EPHA6: variants seen among roughly 807,000 people sequenced by gnomAD.
EPHA6 encodes the protein EPH receptor A6.
EPHA6 carries 50 observed loss-of-function variants against 112.0 expected under a neutral mutation model. The observed-to-expected ratio is 0.45, with a 90% CI of 0.36 to 0.56. The LOEUF (loss-of-function observed/expected upper bound fraction) is 0.56. Ranked by LOEUF, EPHA6 falls within the 20% of genes least tolerant of loss-of-function variation. EPHA6 has a pLI of 0.00. For synonymous variants in EPHA6, 529 were observed against 490.7 expected, an observed-to-expected ratio of 1.08 and a Z score of -1.03; for missense variants, 1,280 against 1,417.4, an observed-to-expected ratio of 0.90 and a Z score of 1.56.
chr3:97,263,017 A>G (rs2079551583), intron 5 of EPHA6, among the ~76,000 whole-genome samples: 1 of 152,228 alleles, frequency 6.6e-6, no homozygotes, highest in Non-Finnish European at 1.5e-5. Flanking sequence ...TAGACTTTAC[A>G]AAAATCTATA....
At chr3:97,317,619 T>C (rs1040968088) in intron 5 of EPHA6, among the ~76,000 whole-genome samples, 1 of 152,026 alleles carries the variant, frequency 6.6e-6, no homozygotes, top group South Asian at 2.1e-4. Context: ...TAATCATCAT[T>C]ATGCATGGAG....
chr3:97,338,479 G>C (rs945903162), intron 5 of EPHA6, among the ~76,000 whole-genome samples: 2 of 151,958 alleles, frequency 1.3e-5, no homozygotes, highest in African/African-American at 4.8e-5. Context: ...GCTCTTACTT[G>C]AATTCCAAAC....
At chr3:96,891,984 A>G (rs575222485) in intron 2 of EPHA6, among the ~76,000 whole-genome samples, 4 of 152,170 alleles carry the variant, frequency 2.6e-5, no homozygotes, top group Non-Finnish European at 5.9e-5. Context: ...CTATTGGTGC[A>G]GTTTTGGAGG....
chr3:97,494,052 AAGTGCT>A (rs2091917267), intron 10 of EPHA6, among the ~76,000 whole-genome samples: 1 of 152,232 alleles, frequency 6.6e-6, no homozygotes, highest in African/African-American at 2.4e-5. Context: ...ATTGAAGCCT[AAGTGCT>A]TTGACCAGGA....
At chr3:97,150,934 TA>T (rs1385145189) in intron 3 of EPHA6, among the ~76,000 whole-genome samples, 1 of 152,188 alleles carries the variant, frequency 6.6e-6, no homozygotes, top group Non-Finnish European at 1.5e-5. Context: ...ATTAATTCAC[TA>T]ATTCATTCAT....
Position 97,752,021 on chromosome 3 carries a change from T to G in EPHA6, c.*3320T>G, listed in dbSNP as rs1176084691. 6.6e-6 allele frequency among the ~76,000 whole-genome samples: 1 copy of G among 152,156 alleles called. No individual in the cohort carries two copies. The highest frequency in any genetic ancestry group is 1.5e-5 in the Non-Finnish European group (1 of 67,984). On this transcript the variant is annotated 3_prime_UTR_variant, in exon 18 of 18. Coordinates refer to ENST00000389672, the MANE Select transcript of EPHA6 (RefSeq NM_001080448.3). ...AAATCATTTTAAAAAGCAATCAAATTGCAAAATTTTGGTGGTTTAACACGA... is the reference window on the plus strand; with the variant it reads ...AAATCATTTTAAAAAGCAATCAAATGGCAAAATTTTGGTGGTTTAACACGA...
rs373825879 is a variant in EPHA6, at chr3:97,233,351, A to T, written c.1270+6932A>T. Among the ~76,000 whole-genome samples, 498 of 151,568 alleles carry T rather than the reference A, an allele frequency of 3.3e-3. 1 individual carries two copies. Among genetic ancestry groups the T allele is most frequent in the African/African-American group, 0.011 (459 of 41,290 alleles). On this transcript the variant is annotated intron_variant, in intron 4 of 17. Transcript: ENST00000389672. Reference sequence around the variant, plus strand: ...CAAGTACCATAAACTTCAAAACATTATGTCTTCTAAAACTTAAAAGATGAG... The same window carrying T: ...CAAGTACCATAAACTTCAAAACATTTTGTCTTCTAAAACTTAAAAGATGAG...
intron 3 of EPHA6, among the ~76,000 whole-genome samples, chr3:97,199,419 C>G (rs1260959807): frequency 6.6e-6 from 1 of 152,092 alleles, no homozygotes; most frequent in African/African-American, 2.4e-5. Flanking sequence ...AGAACTACCC[C>G]CTACCCGTTT....
intron 5 of EPHA6, among the ~76,000 whole-genome samples, chr3:97,376,882 T>C (rs1051340798): frequency 2.0e-5 from 3 of 152,166 alleles, no homozygotes; most frequent in African/African-American, 7.2e-5. Context: ...AATACACAGG[T>C]CATGGGAATA....
At chr3:97,334,621 A>G (rs1367245816) in intron 5 of EPHA6, among the ~76,000 whole-genome samples, 1 of 151,900 alleles carries the variant, frequency 6.6e-6, no homozygotes, top group Admixed American at 6.6e-5. Context: ...CTGGGACTAC[A>G]GGTGTGTGTC....
At chr3:97,081,916 T>A (rs1469825725) in intron 3 of EPHA6, among the ~76,000 whole-genome samples, 2 of 151,640 alleles carry the variant, frequency 1.3e-5, no homozygotes, top group African/African-American at 4.8e-5. Flanking sequence ...ATTTTCAACT[T>A]GAATGCAAAT....
intron 10 of EPHA6, among the ~76,000 whole-genome samples, chr3:97,506,956 T>C (rs927285817): frequency 2.6e-5 from 4 of 152,146 alleles, no homozygotes; most frequent in Admixed American, 6.6e-5. Flanking sequence ...TCACTCATGA[T>C]TTTTCTCTCT....
At chr3:97,740,657 C>T (rs1051398811) in intron 16 of EPHA6, among the ~76,000 whole-genome samples, 1 of 152,078 alleles carries the variant, frequency 6.6e-6, no homozygotes, top group Non-Finnish European at 1.5e-5. Context: ...TTATTTAGAA[C>T]CTCTTCTTTA....
At position 97,403,219 on chromosome 3, in the gene EPHA6, C is replaced by A. The variant is rs143204401; in HGVS notation, c.1607-1931C>A. 3.0e-3 allele frequency among the ~76,000 whole-genome samples: 453 copies of A among 152,006 alleles called. 4 individuals carry two copies. Among genetic ancestry groups the A allele is most frequent in the African/African-American group, 0.011 (440 of 41,514 alleles). On this transcript the variant is annotated intron_variant, in intron 5 of 17. Coordinates refer to ENST00000389672, the MANE Select transcript of EPHA6 (RefSeq NM_001080448.3). ...ATACCAATACTAACATCAACAATAT[C>A]ATTATTAAAACAGTTTAATAATTTT... is the stretch of plus-strand genomic sequence containing the variant.
chr3:97,485,241 C>G (rs1450928977), intron 10 of EPHA6, among the ~76,000 whole-genome samples: 1 of 152,110 alleles, frequency 6.6e-6, no homozygotes, highest in Non-Finnish European at 1.5e-5. Context: ...CCTTTTTCCT[C>G]CAGAAGGACA....
chr3:97,338,679 G>A (rs192372282), intron 5 of EPHA6, among the ~76,000 whole-genome samples: 49 of 152,242 alleles, frequency 3.2e-4, no homozygotes, highest in Non-Finnish European at 6.2e-4. Context: ...TATGTCACTT[G>A]CCCAGTTTGC....
intron 1 of EPHA6, among the ~76,000 whole-genome samples, chr3:96,830,693 G>A (rs899122934): frequency 2.6e-5 from 4 of 151,642 alleles, no homozygotes; most frequent in African/African-American, 9.7e-5. Context: ...AAATATGTAA[G>A]CACATTGAAT....
rs191707580 is a variant in EPHA6 at position 97,404,548 on chromosome 3, A to G, written c.1607-602A>G. Among the ~76,000 whole-genome samples the G allele has an allele frequency of 6.6e-5, 10 of 152,254 alleles. No homozygotes were observed. In the East Asian group the frequency reaches 1.9e-3, roughly 29 times the overall value. On this transcript the variant is annotated intron_variant, in intron 5 of 17. Transcript: ENST00000389672. ...TTAACACAGATTATTTTAATTTAGA[A>G]TTATAATATATGGAAAAGTAAAATA...
intron 14 of EPHA6, chr3:97,648,399 T>TA (rs2094083481): frequency 2.0e-6 from 3 of 1,531,886 alleles, no homozygotes; most frequent in Non-Finnish European, 2.6e-6. Context: ...GAGATAATTA[T>TA]AAAAAATAAT....
Sources: gnomAD v4.1 joint callset for allele counts (sites outside exome capture counted in the v4.1 genomes callset) on GRCh38, gnomAD v4.1.1 for gene constraint, MANE v1.5 for transcripts, NCBI Gene and HGNC (gene_info 2026-07-23, HGNC 2026-07-21) for gene names.